PCYT1A: variants seen among roughly 807,000 people sequenced by gnomAD.
PCYT1A encodes choline-phosphate cytidylyltransferase A.
Under a neutral mutation model 43.7 loss-of-function variants are expected in PCYT1A, and 25 were observed. That is an observed-to-expected ratio of 0.57 (90% confidence interval 0.42 to 0.80). The LOEUF (loss-of-function observed/expected upper bound fraction) is 0.80. Among genes scored for constraint, PCYT1A ranks in the 30% least tolerant of loss-of-function variants. The pLI, the probability that PCYT1A is intolerant of heterozygous loss-of-function variation, is 0.00. For synonymous variants in PCYT1A, 172 were observed against 170.7 expected, an observed-to-expected ratio of 1.01 and a Z score of -0.06; for missense variants, 421 against 474.2, an observed-to-expected ratio of 0.89 and a Z score of 1.04.
chr3:196,285,094 C>CAGATTAATAATATCA (rs1725871120), intron 1 of PCYT1A, among the ~76,000 whole-genome samples: 1 of 152,062 alleles, frequency 6.6e-6, no homozygotes, highest in Non-Finnish European at 1.5e-5. Context: ...ATACACTGTA[C>CAGATTAATAATATCA]GATAAATTAA....
At chr3:196,253,195 G>A (rs1724854411) in intron 3 of PCYT1A, among the ~76,000 whole-genome samples, 1 of 151,974 alleles carries the variant, frequency 6.6e-6, no homozygotes, top group African/African-American at 2.4e-5. Flanking sequence ...AAATTAGCTG[G>A]GTATGGTGGT....
rs1308998247 is a variant in PCYT1A at position 196,268,090 on chromosome 3, A to G, written c.117+2325T>C. On this transcript the variant is annotated intron_variant, in intron 2 of 8. Coordinates refer to ENST00000431016, the MANE Select transcript of PCYT1A (RefSeq NM_001312673.2). This position sits in a 1 kb window ranked among gnomAD's most constrained non-coding sequence, Gnocchi z 4.4. Reference sequence around the variant, plus strand: ...GATTTCACATGAATATATGAAGCAAAGTAATTTAAAGCATTAAGACTCCCC... The same window carrying G: ...GATTTCACATGAATATATGAAGCAAGGTAATTTAAAGCATTAAGACTCCCC... Among the ~76,000 whole-genome samples the G allele has an allele frequency of 1.3e-5, 2 of 152,074 alleles. No individual in the cohort carries two copies. Among genetic ancestry groups the G allele is most frequent in the African/African-American group, 4.8e-5 (2 of 41,390 alleles).
rs1221210128 is a variant in PCYT1A at position 196,276,201 on chromosome 3, A to G, written c.-10-5660T>C. ...GTTTTCACCACAAAAAAATAAGTAT[A>G]TAAGGCAAGGAATTTGTTAATTAGC... On this transcript the variant is annotated intron_variant, in intron 1 of 8. Coordinates refer to ENST00000431016, the MANE Select transcript of PCYT1A (RefSeq NM_001312673.2). Among the ~76,000 whole-genome samples the G allele has an allele frequency of 2.6e-5, 4 of 152,214 alleles. No individual in the cohort carries two copies. The East Asian group carries it at 7.7e-4, about 29-fold the overall frequency.
intron 5 of PCYT1A, among the ~76,000 whole-genome samples, chr3:196,244,008 TGAGGA>T (rs1331698753): frequency 6.6e-6 from 1 of 151,102 alleles, no homozygotes; most frequent in South Asian, 2.1e-4. Flanking sequence ...GTCTGGGATG[TGAGGA>T]GCCCCTCTGC....
intron 3 of PCYT1A, among the ~76,000 whole-genome samples, chr3:196,256,599 G>A (rs760787215): frequency 6.6e-6 from 1 of 152,132 alleles, no homozygotes; most frequent in African/African-American, 2.4e-5. Context: ...GAGTACAGTG[G>A]CATGATCTCA....
rs1312881894 is a variant in PCYT1A at position 196,252,214 on chromosome 3, G to A, written c.218-3891C>T. Among the ~76,000 whole-genome samples, 2 of 151,626 alleles carry A rather than the reference G, an allele frequency of 1.3e-5. No homozygotes were observed. Among genetic ancestry groups the A allele is most frequent in the Non-Finnish European group, 2.9e-5 (2 of 68,006 alleles). The stretch of plus-strand genomic sequence containing the variant: ...TGATTTTTGTATTTTTTGTACAGAT[G>A]GGGTTTCACATGTTGCCCAAGCTAG... On this transcript the variant is annotated intron_variant, in intron 3 of 8. Coordinates refer to ENST00000431016, the MANE Select transcript of PCYT1A (RefSeq NM_001312673.2). The surrounding 1 kb of genome is among the most constrained non-coding windows in gnomAD (Gnocchi z 4.0).
At chr3:196,276,724 C>T (rs1228445029) in intron 1 of PCYT1A, among the ~76,000 whole-genome samples, 1 of 152,052 alleles carries the variant, frequency 6.6e-6, no homozygotes, top group African/African-American at 2.4e-5. Context: ...AAATGCTCTA[C>T]AGGATTCTAA....
chr3:196,262,717 C>T (rs1181666394), intron 2 of PCYT1A, among the ~76,000 whole-genome samples: 3 of 151,452 alleles, frequency 2.0e-5, no homozygotes, highest in Admixed American at 6.6e-5. Flanking sequence ...GGAAAATGGA[C>T]ATAATTCAAA....
intron 2 of PCYT1A, among the ~76,000 whole-genome samples, chr3:196,261,564 T>C (rs560515174): frequency 3.3e-5 from 5 of 151,868 alleles, no homozygotes; most frequent in African/African-American, 9.6e-5. Context: ...CCGAGGCGGG[T>C]AGACCACCTT....
At chr3:196,239,042 C>A (rs1724271252) in intron 8 of PCYT1A, 148 bp from the exon 9 acceptor site, 1 of 441,424 alleles carries the variant, frequency 2.3e-6, no homozygotes, top group Non-Finnish European at 3.9e-6. Flanking sequence ...CCCATTCTTC[C>A]TCAATAATCT....
At position 196,242,759 on chromosome 3, in the gene PCYT1A, A is replaced by C. The variant is rs1724396910; in HGVS notation, c.487-119T>G. The C allele has an allele frequency of 1.4e-6, 1 of 708,902 alleles. No homozygotes were observed. The highest frequency in any genetic ancestry group is 1.8e-5 in the African/African-American group (1 of 56,608). The allele number at this position is 708,902 out of a possible 1,614,324, so 43.9% of individuals were successfully genotyped here. ...GAGGCCAGGCCTCAGTGGACTTCAT[A>C]TCTCTCTTTGCTTTGCTCATAAATT... is the stretch of plus-strand genomic sequence containing the variant. On this transcript the variant is annotated intron_variant, in intron 5 of 8. Coordinates refer to ENST00000431016, the MANE Select transcript of PCYT1A (RefSeq NM_001312673.2). This position sits in a 1 kb window ranked among gnomAD's most constrained non-coding sequence, Gnocchi z 4.2.
intron 5 of PCYT1A, among the ~76,000 whole-genome samples, chr3:196,244,129 G>A (rs1394618571): frequency 5.6e-5 from 8 of 143,296 alleles, no homozygotes; most frequent in Non-Finnish European, 1.1e-4. Context: ...TGTGAGGAGC[G>A]CCTCTGCCAG....
At chr3:196,248,357 A>T in intron 3 of PCYT1A, 34 bp from the exon 4 acceptor site, 1 of 1,273,718 alleles carries the variant, frequency 7.9e-7, no homozygotes. Context: ...TCACAAAAAT[A>T]CCTTTTTTTT....
chr3:196,262,124 TCTC>T (rs999612779), intron 2 of PCYT1A, among the ~76,000 whole-genome samples: 2 of 152,196 alleles, frequency 1.3e-5, no homozygotes, highest in African/African-American at 4.8e-5. Context: ...CTAAAACACA[TCTC>T]CTTCATTTTA....
chr3:196,278,486 G>A (rs78279363), intron 1 of PCYT1A, among the ~76,000 whole-genome samples: 1,706 of 152,176 alleles, frequency 0.011, 30 homozygotes, highest in African/African-American at 0.038. Context: ...AAATGATCGC[G>A]CCTCCTCAGA....
chr3:196,275,538 T>A (rs1337722998), intron 1 of PCYT1A, among the ~76,000 whole-genome samples: 3 of 151,788 alleles, frequency 2.0e-5, no homozygotes. Context: ...ATCGAGACCA[T>A]CCTGGCCAAC....
chr3:196,263,637 GT>G (rs1205302091), intron 2 of PCYT1A, among the ~76,000 whole-genome samples: 1 of 151,986 alleles, frequency 6.6e-6, no homozygotes, highest in African/African-American at 2.4e-5. Context: ...CTGTTTTTTT[GT>G]TTTGTTTTGT....
At chr3:196,246,050 C>A (rs929308181) in intron 5 of PCYT1A, among the ~76,000 whole-genome samples, 3 of 151,866 alleles carry the variant, frequency 2.0e-5, no homozygotes, top group Admixed American at 1.3e-4. Flanking sequence ...TAACTTCATA[C>A]TTCTGTCTGG....
intron 1 of PCYT1A, among the ~76,000 whole-genome samples, chr3:196,278,963 A>G (rs933916754): frequency 6.9e-6 from 1 of 145,136 alleles, no homozygotes; most frequent in Non-Finnish European, 1.5e-5. Flanking sequence ...CCTGGGTGAC[A>G]GAGCAAGACC....
Sources: gnomAD v4.1 joint callset for allele counts (sites outside exome capture counted in the v4.1 genomes callset) on GRCh38, gnomAD v4.1.1 for gene constraint, Gnocchi (gnomAD v3.1) non-coding constraint, MANE v1.5 for transcripts, NCBI Gene and HGNC (gene_info 2026-07-23, HGNC 2026-07-21) for gene names.